The following XCR1 variants were observed in gnomAD, a reference collection of about 807,000 sequenced individuals.
XCR1 encodes chemokine XC receptor 1.
For missense variants in XCR1, 356 were observed against 424.2 expected (o/e 0.84, Z 1.41); for synonymous variants, 187 against 188.5 (o/e 0.99, Z 0.06).
chr3:46,073,795 T>C (rs9311386), intron 3 of XCR1, among the ~76,000 whole-genome samples: 75,596 of 151,620 alleles, frequency 0.5, 22,378 homozygotes, highest in African/African-American at 0.84. Flanking sequence ...TAAAAGAAGA[T>C]ATACAAATGA....
At chr3:46,055,264 G>T (rs902255025) in intron 4 of XCR1, among the ~76,000 whole-genome samples, 6 of 152,152 alleles carry the variant, frequency 3.9e-5, no homozygotes, top group African/African-American at 1.4e-4. Flanking sequence ...TCTGATGTTA[G>T]AATCATAAGG....
intron 3 of XCR1, among the ~76,000 whole-genome samples, chr3:46,070,408 A>G (rs931285557): frequency 6.6e-6 from 1 of 151,814 alleles, no homozygotes; most frequent in African/African-American, 2.4e-5. Context: ...TTATTGTGTT[A>G]TTGTCCATCT....
At chr3:46,040,434 G>T (rs9845826) in intron 5 of XCR1, among the ~76,000 whole-genome samples, 2,913 of 152,056 alleles carry the variant, frequency 0.019, 82 homozygotes, top group African/African-American at 0.06. Context: ...GATCTATTAG[G>T]CTTATTAGGC....
In XCR1 at chr3:46,017,352, T is replaced by A. The variant is rs1466856890; in HGVS notation, c.*3594A>T. The A allele has an allele frequency of 6.6e-6, 1 of 152,218 alleles. No individual in the cohort carries two copies. The highest frequency in any genetic ancestry group is 1.5e-5 in the Non-Finnish European group (1 of 68,034). 9.4% of individuals were successfully genotyped at this position (152,218 alleles called of 1,614,324 possible). Reference sequence around the variant, plus strand: ...TTTTGTCCCATCACAGGCATTTGCATAAATGAAACCTGTGAAAAGTTCAAC... The same window carrying A: ...TTTTGTCCCATCACAGGCATTTGCAAAAATGAAACCTGTGAAAAGTTCAAC... On this transcript the variant is annotated 3_prime_UTR_variant, in exon 2 of 2. Transcript: ENST00000309285.
intron 5 of XCR1, among the ~76,000 whole-genome samples, chr3:46,051,424 G>T (rs1697741054): frequency 6.6e-6 from 1 of 152,188 alleles, no homozygotes; most frequent in African/African-American, 2.4e-5. Flanking sequence ...AGCTGTTCTT[G>T]CTCCCACTAA....
At chr3:46,072,506 T>G (rs1698179804) in intron 3 of XCR1, among the ~76,000 whole-genome samples, 1 of 151,736 alleles carries the variant, frequency 6.6e-6, no homozygotes, top group Non-Finnish European at 1.5e-5. Context: ...CTTGTCTCAG[T>G]GAAAATAAAA....
chr3:46,057,369 T>C (rs1347122363), intron 4 of XCR1, among the ~76,000 whole-genome samples: 1 of 152,192 alleles, frequency 6.6e-6, no homozygotes, highest in Non-Finnish European at 1.5e-5. Flanking sequence ...AGATGGATTA[T>C]AAAGGGGCGC....
intron 1 of XCR1, among the ~76,000 whole-genome samples, chr3:46,082,712 A>G (rs186610546): frequency 3.6e-4 from 54 of 151,768 alleles, no homozygotes; most frequent in African/African-American, 1.3e-3. Flanking sequence ...CTGGTCTCAA[A>G]CTCCTGGCCT....
intron 5 of XCR1, among the ~76,000 whole-genome samples, chr3:46,037,539 C>G (rs1697453107): frequency 6.6e-6 from 1 of 151,796 alleles, no homozygotes; most frequent in South Asian, 2.1e-4. Flanking sequence ...AATAAGAAGT[C>G]CAAAAGTATC....
chr3:46,030,530 A>C (rs1010901721), upstream of XCR1, among the ~76,000 whole-genome samples: 1 of 152,270 alleles, frequency 6.6e-6, no homozygotes, highest in Non-Finnish European at 1.5e-5. Flanking sequence ...TACACTATGT[A>C]TAAAAAAGTA....
Position 46,074,617 on chromosome 3 carries a change from T to A in XCR1, c.-263+34A>T, listed in dbSNP as rs577780706. Among the ~76,000 whole-genome samples, 366 of 152,084 alleles carry A rather than the reference T, an allele frequency of 2.4e-3. 1 individual carries two copies. The highest frequency in any genetic ancestry group is 4.2e-3 in the Non-Finnish European group (283 of 67,972). The stretch of plus-strand genomic sequence containing the variant: ...AATTGTACCACTTAAATTTATATTT[T>A]AAAAAAAATCATAAGGAAGAAAAAT... On this transcript the variant is annotated intron_variant, in intron 3 of 5. Coordinates refer to the XCR1 transcript ENST00000683768.
chr3:46,049,411 A>G (rs139426895), intron 5 of XCR1, among the ~76,000 whole-genome samples: 8 of 152,294 alleles, frequency 5.3e-5, no homozygotes, highest in African/African-American at 1.9e-4. Context: ...TTACCTAGAG[A>G]TAGTGGCCCA....
At chr3:46,060,364 A>G (rs1697937454) in intron 4 of XCR1, among the ~76,000 whole-genome samples, 1 of 152,202 alleles carries the variant, frequency 6.6e-6, no homozygotes, top group African/African-American at 2.4e-5. Context: ...AGGACATGGT[A>G]GTACTAATAG....
chr3:46,022,676 T>C (rs1381795173), intron 1 of XCR1, among the ~76,000 whole-genome samples: 1 of 152,248 alleles, frequency 6.6e-6, no homozygotes, highest in African/African-American at 2.4e-5. Flanking sequence ...CTTAGAATTA[T>C]ATTTTTTATT....
At chr3:46,076,328 A>G (rs1035757188) in intron 2 of XCR1, among the ~76,000 whole-genome samples, 1 of 152,158 alleles carries the variant, frequency 6.6e-6, no homozygotes, top group Non-Finnish European at 1.5e-5. Flanking sequence ...TTTGAGAGAA[A>G]TTGTTGAATG....
chr3:46,048,832 A>T (rs2125898945), intron 5 of XCR1, among the ~76,000 whole-genome samples: 1 of 152,182 alleles, frequency 6.6e-6, no homozygotes, highest in South Asian at 2.1e-4. Flanking sequence ...GTTTTGATTG[A>T]GGTGGTAGTT....
At position 46,069,118 on chromosome 3, in the gene XCR1, A is replaced by G. The variant is rs1698123344; in HGVS notation, c.-262-2140T>C. On this transcript the variant is annotated intron_variant, in intron 3 of 5. Transcript: ENST00000683768. The stretch of plus-strand genomic sequence containing the variant: ...ACACAGCTAAAGTATTGCTGAGAAA[A>G]CAATTTATATCACTAAATGCTTACA... Among the ~76,000 whole-genome samples, 3 of 152,212 alleles carry G rather than the reference A, an allele frequency of 2.0e-5. No homozygotes were observed. In the South Asian group the frequency reaches 6.2e-4, roughly 32 times the overall value.
intron 4 of XCR1, among the ~76,000 whole-genome samples, chr3:46,061,032 C>T (rs1442690785): frequency 1.3e-5 from 2 of 152,206 alleles, no homozygotes; most frequent in Non-Finnish European, 2.9e-5. Flanking sequence ...AAAAAGTATT[C>T]TTCAAGTCCA....
At position 46,021,975 on chromosome 3, in the gene XCR1, G is replaced by A. The variant is rs1708166312; in HGVS notation, c.-28C>T. 1.3e-6 allele frequency: 2 copies of A among 1,582,224 alleles called. No individual in the cohort carries two copies. The highest frequency in any genetic ancestry group is 2.7e-5 in the African/African-American group (2 of 73,768). On this transcript the variant is annotated 5_prime_UTR_variant, in exon 2 of 2. Transcript: ENST00000309285. The surrounding 1 kb of genome is among the most constrained non-coding windows in gnomAD (Gnocchi z 4.7). ...GGACCAGATGGCAGGGACGTTTAGA[G>A]CATCTGAAATGATAGAGACATGGAG...
Sources: allele counts gnomAD v4.1 joint callset (sites outside exome capture counted in the v4.1 genomes callset), GRCh38; gene constraint gnomAD v4.1.1; non-coding constraint Gnocchi (gnomAD v3.1); transcripts MANE v1.5; gene names NCBI Gene and HGNC (gene_info 2026-07-23, HGNC 2026-07-21).